ADRA1A: variants seen among roughly 807,000 people sequenced by gnomAD.
ADRA1A encodes the protein adrenoceptor alpha 1A.
In ADRA1A, 31 loss-of-function variants were observed where a neutral mutation model predicts 29.6. The observed-to-expected ratio is 1.05, with a 90% CI of 0.79 to 1.41. The LOEUF is 1.41. Ranked by LOEUF, ADRA1A falls within the 40% of genes most tolerant of loss-of-function variation. The pLI, the probability that ADRA1A is intolerant of heterozygous loss-of-function variation, is 0.00. For missense variants in ADRA1A, 619 were observed against 601.1 expected, an observed-to-expected ratio of 1.03 and a Z score of -0.31; for synonymous variants, 311 against 254.3, an observed-to-expected ratio of 1.22 and a Z score of -2.12.
chr8:26,781,879 G>A lies in ADRA1A; in HGVS notation c.884-11213C>T, dbSNP rs150675584. ...ATATTCAGCTTAAAGGCTAAAGCAGGTTTAGGTCCTGATCCTTGCCAGAAA... is the reference window on the plus strand; with the variant it reads ...ATATTCAGCTTAAAGGCTAAAGCAGATTTAGGTCCTGATCCTTGCCAGAAA... On this transcript the variant is annotated intron_variant, in intron 2 of 2. Coordinates refer to ENST00000380573, the MANE Select transcript of ADRA1A (RefSeq NM_000680.4). 1.2e-3 allele frequency among the ~76,000 whole-genome samples: 186 copies of A among 152,356 alleles called. 2 individuals carry two copies. Among genetic ancestry groups the A allele is most frequent in the African/African-American group, 4.0e-3 (165 of 41,574 alleles).
chr8:26,767,295 CAT>C (rs1189005449), downstream of ADRA1A, among the ~76,000 whole-genome samples: 9 of 152,134 alleles, frequency 5.9e-5, no homozygotes, highest in Admixed American at 5.9e-4. Flanking sequence ...AAGCAGTAAA[CAT>C]GTGAGTATAA....
At chr8:26,824,015 C>G (rs994895792) in intron 2 of ADRA1A, among the ~76,000 whole-genome samples, 31 of 152,122 alleles carry the variant, frequency 2.0e-4, no homozygotes, top group African/African-American at 6.8e-4. Context: ...CTTTCTCCTC[C>G]CCCTGCCTCT....
At chr8:26,768,543 A>G (rs534812977), downstream of ADRA1A, among the ~76,000 whole-genome samples, 11 of 152,324 alleles carry the variant, frequency 7.2e-5, no homozygotes, top group African/African-American at 2.6e-4. Context: ...TTGAGCACCG[A>G]CATGACGCCA....
At chr8:26,788,591 C>T (rs1807579086) in intron 2 of ADRA1A, among the ~76,000 whole-genome samples, 1 of 152,124 alleles carries the variant, frequency 6.6e-6, no homozygotes, top group South Asian at 2.1e-4. Flanking sequence ...GTGCTAAGTA[C>T]TTTTCATGCA....
At chr8:26,790,469 G>A (rs1324959744) in intron 2 of ADRA1A, among the ~76,000 whole-genome samples, 1 of 152,106 alleles carries the variant, frequency 6.6e-6, no homozygotes, top group Admixed American at 6.6e-5. Flanking sequence ...TCGTGGGGAG[G>A]GGGATAGGGA....
chr8:26,799,599 G>T (rs558570731), intron 2 of ADRA1A, among the ~76,000 whole-genome samples: 4 of 152,282 alleles, frequency 2.6e-5, no homozygotes, highest in African/African-American at 7.2e-5. Context: ...TACTTTTAAG[G>T]CTAGAGCAAT....
chr8:26,750,629 G>A (rs1252978317), intron 2 of ADRA1A, among the ~76,000 whole-genome samples: 1 of 152,178 alleles, frequency 6.6e-6, no homozygotes, highest in Non-Finnish European at 1.5e-5. Context: ...ATGGATTTTG[G>A]AGGGACACAA....
intron 2 of ADRA1A, among the ~76,000 whole-genome samples, chr8:26,818,029 A>G (rs1054110867): frequency 6.6e-6 from 1 of 152,224 alleles, no homozygotes; most frequent in African/African-American, 2.4e-5. Flanking sequence ...ATCCCAACAT[A>G]TGGATGAATC....
At chr8:26,752,722 C>T (rs147222270), downstream of ADRA1A, among the ~76,000 whole-genome samples, 1 of 152,136 alleles carries the variant, frequency 6.6e-6, no homozygotes, top group Non-Finnish European at 1.5e-5. Context: ...AAATAATGAT[C>T]CCTCTTCACC....
chr8:26,820,992 C>T (rs7828016), intron 2 of ADRA1A, among the ~76,000 whole-genome samples: 9,661 of 151,980 alleles, frequency 0.064, 661 homozygotes, highest in East Asian at 0.31. Flanking sequence ...TGGGTTCAAG[C>T]GATTCTCCTG....
chr8:26,793,288 G>A (rs933340959), intron 2 of ADRA1A, among the ~76,000 whole-genome samples: 2 of 151,916 alleles, frequency 1.3e-5, no homozygotes, highest in Admixed American at 6.6e-5. Context: ...AACAAAATAT[G>A]TATCAAGTTT....
rs145348229 is a variant in ADRA1A, at chr8:26,852,707, T to C, written c.883+11380A>G. 1.7e-3 allele frequency among the ~76,000 whole-genome samples: 254 copies of C among 152,292 alleles called. 1 individual carries two copies. Among genetic ancestry groups the C allele is most frequent in the African/African-American group, 6.0e-3 (249 of 41,584 alleles). The stretch of plus-strand genomic sequence containing the variant: ...ATCCATAAAAGGAGCTGGGCCCGAA[T>C]GTTTTATAGGCAAGTTTTTCAAACC... On this transcript the variant is annotated intron_variant, in intron 2 of 2. Coordinates refer to ENST00000380573, the MANE Select transcript of ADRA1A (RefSeq NM_000680.4).
chr8:26,757,151 A>C, intron 2 of ADRA1A: 1 of 702,032 alleles, frequency 1.4e-6, no homozygotes. Flanking sequence ...TGTTTATATA[A>C]AGCAGAGTTG....
In ADRA1A at chr8:26,864,209, TTGGTCTTGGCGC is replaced by T; in HGVS notation, c.749_760del (p.Ser250_Thr253del). 1 of 1,614,188 alleles carries T rather than the reference TTGGTCTTGGCGC, an allele frequency of 6.2e-7. No homozygotes were observed. Among genetic ancestry groups the T allele is most frequent in the South Asian group, 1.1e-5 (1 of 91,086 alleles). On this transcript the variant is annotated inframe_deletion, in exon 2 of 3. Transcript: ENST00000380573. The surrounding 1 kb of genome is among the most constrained non-coding windows in gnomAD (Gnocchi z 8.1). ...GAGGAGCCTCACTGAGAAGTGCGTC[TTGGTCTTGGCGC>T]TGGCCATCCCGCTGCCTCCTGCCGG...
chr8:26,865,872 C>T lies in ADRA1A; in HGVS notation c.-686-217G>A, dbSNP rs1813868743. Among the ~76,000 whole-genome samples, 1 of 151,368 alleles carries T rather than the reference C, an allele frequency of 6.6e-6. No homozygotes were observed. Among genetic ancestry groups the T allele is most frequent in the Admixed American group, 6.6e-5 (1 of 15,182 alleles). On this transcript the variant is annotated intron_variant, in intron 1 of 2. Transcript: ENST00000380573. This position sits in a 1 kb window ranked among gnomAD's most constrained non-coding sequence, Gnocchi z 7.6. ...GCGCACTCTACTGAGTCACCTCTGC[C>T]CGAGTTCAGGATCCGAAGCGAAAAA...
At chr8:26,842,265 A>G (rs1214420920) in intron 2 of ADRA1A, among the ~76,000 whole-genome samples, 1 of 152,184 alleles carries the variant, frequency 6.6e-6, no homozygotes, top group Admixed American at 6.5e-5. Context: ...TTCAATTTCA[A>G]TTTAATTTAT....
At chr8:26,751,166 A>G (rs1407737294) in intron 2 of ADRA1A, among the ~76,000 whole-genome samples, 1 of 152,104 alleles carries the variant, frequency 6.6e-6, no homozygotes, top group East Asian at 1.9e-4. Flanking sequence ...GGTATGTGAT[A>G]GGATTCAGAA....
Position 26,769,513 on chromosome 8 carries a change from C to T in ADRA1A, c.*636G>A, listed in dbSNP as rs2130264703. 1.0e-6 allele frequency: 1 copy of T among 985,446 alleles called. No homozygotes were observed. The highest frequency in any genetic ancestry group is 1.2e-6 in the Non-Finnish European group (1 of 829,926). The allele number at this position is 985,446 out of a possible 1,614,324, so 61.0% of individuals were successfully genotyped here. A position where few individuals can be genotyped will look rare whatever the true frequency, so the allele number is the denominator to read the frequency against. ...ATTCCAAGACATCATGAGTGCCCCT[C>T]ACTCTCATCTTTGGGAAATGAGGAG... On this transcript the variant is annotated 3_prime_UTR_variant, in exon 3 of 3. Coordinates refer to ENST00000380573, the MANE Select transcript of ADRA1A (RefSeq NM_000680.4).
rs530832684 is a variant in ADRA1A at position 26,817,261 on chromosome 8, A to T, written c.884-46595T>A. On this transcript the variant is annotated intron_variant, in intron 2 of 2. Coordinates refer to ENST00000380573, the MANE Select transcript of ADRA1A (RefSeq NM_000680.4). ...ACATACTTCACCAAAAAGATAAGCA[A>T]ATGTCAAATAAGCAAATGAAAAGAT... 1.3e-3 allele frequency among the ~76,000 whole-genome samples: 200 copies of T among 152,372 alleles called. 1 individual carries two copies. The highest frequency in any genetic ancestry group is 4.7e-3 in the African/African-American group (195 of 41,594).
Sources: gnomAD v4.1 joint callset for allele counts (sites outside exome capture counted in the v4.1 genomes callset) on GRCh38, gnomAD v4.1.1 for gene constraint, Gnocchi (gnomAD v3.1) non-coding constraint, MANE v1.5 for transcripts, NCBI Gene and HGNC (gene_info 2026-07-23, HGNC 2026-07-21) for gene names.